The following OPCML variants were observed in gnomAD, a reference collection of about 807,000 sequenced individuals.
The protein encoded by OPCML is opioid binding protein/cell adhesion molecule like, also known as opioid-binding protein/cell adhesion molecule.
In OPCML, 13 loss-of-function variants were observed where a neutral mutation model predicts 37.8. The observed-to-expected ratio is 0.34, with a 90% CI of 0.22 to 0.55. The LOEUF (loss-of-function observed/expected upper bound fraction) is 0.55, where lower values mean the gene tolerates loss of function less well. Among genes scored for constraint, OPCML ranks in the 20% least tolerant of loss-of-function variants. OPCML has a pLI of 0.91. For missense variants in OPCML, 341 were observed against 435.6 expected, an observed-to-expected ratio of 0.78 and a Z score of 1.93; for synonymous variants, 176 against 168.8, an observed-to-expected ratio of 1.04 and a Z score of -0.33.
intron 1 of OPCML, among the ~76,000 whole-genome samples, chr11:132,989,002 ACTC>A (rs1212876248): frequency 1.3e-5 from 2 of 152,184 alleles, no homozygotes; most frequent in Admixed American, 1.3e-4. Flanking sequence ...TTTTACCCAA[ACTC>A]CATTGGCAAA....
intron 1 of OPCML, among the ~76,000 whole-genome samples, chr11:133,305,132 G>GA (rs916124398): frequency 2.0e-5 from 3 of 151,824 alleles, no homozygotes; most frequent in African/African-American, 4.8e-5. Flanking sequence ...TATCAAAGGA[G>GA]AAAAAAAACC....
Position 132,924,142 on chromosome 11 carries a change from TG to T in OPCML, c.146+18783del, listed in dbSNP as rs760495731. ...AAAAAAAACTATGTGTGTGTGTGTGTGTGTGTGTATGTGAAGAGGGACAGAG... is the reference window on the plus strand; with the variant it reads ...AAAAAAAACTATGTGTGTGTGTGTGTTGTGTGTATGTGAAGAGGGACAGAG... On this transcript the variant is annotated intron_variant, in intron 2 of 7. Transcript: ENST00000524381. 8.8e-4 allele frequency among the ~76,000 whole-genome samples: 134 copies of T among 151,616 alleles called. 1 individual carries two copies. The highest frequency in any genetic ancestry group is 6.8e-3 in the Middle Eastern group (2 of 292).
intron 3 of OPCML, among the ~76,000 whole-genome samples, chr11:132,558,992 T>G (rs2096404460): frequency 6.6e-6 from 1 of 152,150 alleles, no homozygotes; most frequent in South Asian, 2.1e-4. Context: ...TTCAACTATT[T>G]GATTGGGAAT....
intron 1 of OPCML, among the ~76,000 whole-genome samples, chr11:133,521,777 T>C (rs1365521896): frequency 6.6e-6 from 1 of 152,154 alleles, no homozygotes; most frequent in Admixed American, 6.5e-5. Context: ...CCTCCTCTCT[T>C]TGAGGGGTAT....
At chr11:133,396,926 T>A (rs1306229934) in intron 1 of OPCML, among the ~76,000 whole-genome samples, 1 of 152,198 alleles carries the variant, frequency 6.6e-6, no homozygotes, top group Non-Finnish European at 1.5e-5. Flanking sequence ...TCAGCTGTAG[T>A]ATAGAAATAT....
chr11:132,805,247 A>C (rs537877316), intron 2 of OPCML, among the ~76,000 whole-genome samples: 1 of 152,294 alleles, frequency 6.6e-6, no homozygotes, highest in African/African-American at 2.4e-5. Context: ...AGAAGAAAAA[A>C]GGATTTTATG....
chr11:132,871,700 C>T (rs1337479654), intron 2 of OPCML, among the ~76,000 whole-genome samples: 2 of 152,224 alleles, frequency 1.3e-5, no homozygotes, highest in Non-Finnish European at 2.9e-5. Flanking sequence ...TGCAACAGTG[C>T]CTGGCTCAGA....
Position 132,436,703 on chromosome 11 carries a change from A to T in OPCML, c.720T>A (p.Ser240=). 6.2e-7 allele frequency: 1 copy of T among 1,614,192 alleles called. No individual in the cohort carries two copies. The highest frequency in any genetic ancestry group is 8.5e-7 in the Non-Finnish European group (1 of 1,180,042). ...ACTGGAATTCAGCCATGGGGACTGCAGAGGCTTCACAGCTCAGGATGCCCT... is the reference window on the plus strand; with the variant it reads ...ACTGGAATTCAGCCATGGGGACTGCTGAGGCTTCACAGCTCAGGATGCCCT... The part of the protein sequence containing the change: ...GQKGILSCEA[S]AVPMAEFQWF... The change falls in exon 6 of 8, where the codon TCT becomes TCA. Residue 240 remains serine, a synonymous_variant. Transcript: ENST00000524381.
At chr11:133,384,314 T>C (rs1439560147) in intron 1 of OPCML, among the ~76,000 whole-genome samples, 2 of 149,902 alleles carry the variant, frequency 1.3e-5, no homozygotes, top group East Asian at 3.9e-4. Context: ...GACTGATTTA[T>C]CACCTCCCAC....
chr11:133,062,622 A>T (rs918017193), intron 1 of OPCML, among the ~76,000 whole-genome samples: 8 of 152,092 alleles, frequency 5.3e-5, no homozygotes, highest in African/African-American at 1.9e-4. Context: ...TACAGATGAG[A>T]TCTTCTGAGC....
intron 1 of OPCML, among the ~76,000 whole-genome samples, chr11:133,158,878 G>A (rs1327903960): frequency 6.6e-6 from 1 of 152,000 alleles, no homozygotes; most frequent in Non-Finnish European, 1.5e-5. Context: ...GGGGCCATTC[G>A]TACCACCAGC....
intron 1 of OPCML, among the ~76,000 whole-genome samples, chr11:132,947,882 A>G (rs543049525): frequency 1.6e-4 from 25 of 152,222 alleles, no homozygotes; most frequent in Non-Finnish European, 3.2e-4. Flanking sequence ...GAGTCTTTGC[A>G]TTATACCTAC....
intron 2 of OPCML, among the ~76,000 whole-genome samples, chr11:132,828,026 G>T (rs1940463483): frequency 6.6e-6 from 1 of 152,264 alleles, no homozygotes; most frequent in South Asian, 2.1e-4. Flanking sequence ...TAAATACATT[G>T]TGGTACATCC....
At position 133,289,574 on chromosome 11, in the gene OPCML, G is replaced by A. The variant is rs866027998; in HGVS notation, c.61+242690C>T. Among the ~76,000 whole-genome samples, 697 of 126,138 alleles carry A rather than the reference G, an allele frequency of 5.5e-3. 8 individuals are homozygous for A. Among genetic ancestry groups the A allele is most frequent in the African/African-American group, 0.021 (655 of 31,950 alleles). 82.8% of individuals were successfully genotyped at this position (126,138 alleles called of 152,430 possible). A position where few individuals can be genotyped will look rare whatever the true frequency, so the allele number is the denominator to read the frequency against. ...CCCGCCACTGCACTCCAGCCTGGGC[G>A]ACAGAGCGAGACTCCATCTCAAAAA... On this transcript the variant is annotated intron_variant, in intron 1 of 7. Coordinates refer to ENST00000524381, the MANE Select transcript of OPCML (RefSeq NM_001012393.5).
chr11:133,322,939 C>A (rs1432252747), intron 1 of OPCML, among the ~76,000 whole-genome samples: 1 of 152,190 alleles, frequency 6.6e-6, no homozygotes, highest in Non-Finnish European at 1.5e-5. Context: ...TTTTCAACAT[C>A]TACTTGCACA....
intron 4 of OPCML, among the ~76,000 whole-genome samples, chr11:132,466,317 CA>C (rs35491939): frequency 0.14 from 15,057 of 105,192 alleles, 829 homozygotes; most frequent in African/African-American, 0.19. Flanking sequence ...ACTAAAAATA[CA>C]AAAAAAAAAA....
chr11:133,161,449 A>G (rs954068727), intron 1 of OPCML, among the ~76,000 whole-genome samples: 2 of 152,154 alleles, frequency 1.3e-5, no homozygotes, highest in Non-Finnish European at 2.9e-5. Context: ...GAACTGAGTA[A>G]TAGCATGGAC....
intron 1 of OPCML, among the ~76,000 whole-genome samples, chr11:133,526,775 C>T (rs1948500224): frequency 6.6e-6 from 1 of 152,186 alleles, no homozygotes; most frequent in South Asian, 2.1e-4. Flanking sequence ...TCTGGGTCTC[C>T]CACCAACAGC....
At chr11:133,302,110 C>T (rs1398635538) in intron 1 of OPCML, 2 of 152,124 alleles carry the variant, frequency 1.3e-5, no homozygotes, top group East Asian at 1.9e-4. Flanking sequence ...AAGGAAGAGT[C>T]CATTGTGAGC....
Sources: allele counts gnomAD v4.1 joint callset (sites outside exome capture counted in the v4.1 genomes callset), GRCh38; gene constraint gnomAD v4.1.1; transcripts MANE v1.5; gene names NCBI Gene and HGNC (gene_info 2026-07-23, HGNC 2026-07-21).